EYA2: variants seen among roughly 807,000 people sequenced by gnomAD.
The protein encoded by EYA2 is EYA transcriptional coactivator and phosphatase 2.
A neutral mutation model predicts 69.2 loss-of-function variants in EYA2; 31 were observed. That is an observed-to-expected ratio of 0.45 (90% CI 0.34 to 0.60). EYA2 has a LOEUF of 0.60. EYA2 is among the 20% of genes least tolerant of loss of function. The pLI, the probability that EYA2 is intolerant of heterozygous loss-of-function variation, is 0.02. For synonymous variants in EYA2, 257 were observed against 279.4 expected, an observed-to-expected ratio of 0.92 and a Z score of 0.80; for missense variants, 622 against 701.2, an observed-to-expected ratio of 0.89 and a Z score of 1.28.
intron 1 of EYA2, among the ~76,000 whole-genome samples, chr20:46,958,243 T>G (rs1443911401): frequency 6.6e-6 from 1 of 152,192 alleles, no homozygotes; most frequent in East Asian, 1.9e-4. Flanking sequence ...GGGGACAGTT[T>G]TCCAAAGTTG....
At chr20:47,048,664 G>T (rs1447282917) in intron 5 of EYA2, among the ~76,000 whole-genome samples, 1 of 152,220 alleles carries the variant, frequency 6.6e-6, no homozygotes, top group Non-Finnish European at 1.5e-5. Flanking sequence ...TTGAACCTGG[G>T]AGGCAGAGGT....
chr20:47,025,843 G>A (rs555446797), intron 5 of EYA2, among the ~76,000 whole-genome samples: 4 of 152,254 alleles, frequency 2.6e-5, no homozygotes, highest in Non-Finnish European at 4.4e-5. Flanking sequence ...GTCATCTTAC[G>A]GTTGAAGTTT....
chr20:46,915,012 C>G (rs147197903), intron 1 of EYA2, among the ~76,000 whole-genome samples: 1 of 152,300 alleles, frequency 6.6e-6, no homozygotes, highest in African/African-American at 2.4e-5. Flanking sequence ...TTTCTTTTCT[C>G]TACCGGAGAT....
At chr20:47,180,284 G>A (rs2146671352) in intron 13 of EYA2, among the ~76,000 whole-genome samples, 2 of 152,258 alleles carry the variant, frequency 1.3e-5, no homozygotes, top group East Asian at 3.9e-4. Context: ...ACCCGCCTCG[G>A]CCTCCCAAAG....
At position 47,089,342 on chromosome 20, in the gene EYA2, G is replaced by A; in HGVS notation, c.765G>A (p.Arg255=). ...GGAAGCTCCGAGGCCGGTCTAAGAG[G>A]AGCAGTGACCCGTCCCCGGCAGGGG... ...SDGKLRGRSK[R]SSDPSPAGDN... Residue 255 remains arginine (R), a synonymous_variant, in exon 8 of 16, where the codon AGG becomes AGA. Coordinates refer to ENST00000327619, the MANE Select transcript of EYA2 (RefSeq NM_005244.5). The A allele has an allele frequency of 2.5e-6, 4 of 1,614,166 alleles. No homozygotes were observed. Among genetic ancestry groups the A allele is most frequent in the Non-Finnish European group, 2.5e-6 (3 of 1,180,016 alleles).
intron 5 of EYA2, among the ~76,000 whole-genome samples, chr20:47,064,955 C>T (rs367674489): frequency 1.3e-5 from 2 of 152,202 alleles, no homozygotes; most frequent in Admixed American, 6.5e-5. Flanking sequence ...TTAATTGACT[C>T]ACAGTTCCAC....
intron 7 of EYA2, among the ~76,000 whole-genome samples, chr20:47,074,910 G>T (rs1302727433): frequency 6.6e-6 from 1 of 152,144 alleles, no homozygotes; most frequent in South Asian, 2.1e-4. Context: ...TCAGGAGTTC[G>T]AGACCAGCCT....
intron 8 of EYA2, among the ~76,000 whole-genome samples, chr20:47,090,767 C>T (rs1474888179): frequency 6.6e-6 from 1 of 152,178 alleles, no homozygotes; most frequent in Non-Finnish European, 1.5e-5. Context: ...GATCTCTATA[C>T]TTGTCATTTG....
chr20:47,117,391 G>A (rs980232628), intron 9 of EYA2: 10 of 985,406 alleles, frequency 1.0e-5, no homozygotes, highest in Non-Finnish European at 1.2e-5. Flanking sequence ...GAATTCACCT[G>A]GTGTTGGCTT....
chr20:47,127,141 A>G (rs779527596), intron 9 of EYA2, among the ~76,000 whole-genome samples: 14 of 152,082 alleles, frequency 9.2e-5, no homozygotes, highest in African/African-American at 3.1e-4. Context: ...AACTTAGTGA[A>G]TTTGTTAACC....
chr20:46,940,225 C>T (rs1359018170), intron 1 of EYA2, among the ~76,000 whole-genome samples: 1 of 152,216 alleles, frequency 6.6e-6, no homozygotes, highest in Non-Finnish European at 1.5e-5. Flanking sequence ...ATAATAAGAA[C>T]AGCTGAGATG....
chr20:47,132,982 AC>A (rs972972246), intron 9 of EYA2, among the ~76,000 whole-genome samples: 6 of 152,186 alleles, frequency 3.9e-5, no homozygotes, highest in African/African-American at 1.4e-4. Context: ...TGCCGCAAAC[AC>A]CCGTTTTTGC....
chr20:46,922,118 G>A (rs970041501), intron 1 of EYA2, among the ~76,000 whole-genome samples: 1 of 152,218 alleles, frequency 6.6e-6, no homozygotes, highest in Admixed American at 6.5e-5. Flanking sequence ...ACCTGTTCTA[G>A]TGCATTTTCC....
chr20:46,909,376 A>T (rs4810573), intron 1 of EYA2, among the ~76,000 whole-genome samples: 5 of 151,846 alleles, frequency 3.3e-5, no homozygotes, highest in Admixed American at 1.3e-4. Context: ...CAGTAAGGAA[A>T]GCTCCAGGAG....
chr20:47,121,137 C>T (rs1450376976), intron 9 of EYA2, among the ~76,000 whole-genome samples: 1 of 152,090 alleles, frequency 6.6e-6, no homozygotes, highest in East Asian at 1.9e-4. Context: ...CTCTGTTGCC[C>T]AGGTTGGAGT....
chr20:46,980,042 C>T (rs1174494607), intron 1 of EYA2, among the ~76,000 whole-genome samples: 2 of 152,134 alleles, frequency 1.3e-5, no homozygotes, highest in African/African-American at 4.8e-5. Context: ...GACTGGGTAG[C>T]TTAGTAGACT....
chr20:46,996,157 G>A (rs1004670805), intron 2 of EYA2, among the ~76,000 whole-genome samples: 5 of 152,144 alleles, frequency 3.3e-5, no homozygotes, highest in Non-Finnish European at 5.9e-5. Context: ...GTGTATCCTC[G>A]GGTAAGTTGC....
intron 10 of EYA2, among the ~76,000 whole-genome samples, chr20:47,163,962 G>C (rs6094617): frequency 1.3e-5 from 2 of 152,070 alleles, no homozygotes; most frequent in Admixed American, 1.3e-4. Flanking sequence ...CCTGTGTCAA[G>C]GCCACGGGAA....
intron 1 of EYA2, chr20:46,979,508 C>G (rs1284463703): frequency 3.9e-5 from 6 of 152,162 alleles, no homozygotes; most frequent in African/African-American, 9.7e-5. Flanking sequence ...CTTTTCCTTC[C>G]TTTCCCTTCC....
Sources: allele counts gnomAD v4.1 joint callset (sites outside exome capture counted in the v4.1 genomes callset), GRCh38; gene constraint gnomAD v4.1.1; transcripts MANE v1.5; gene names NCBI Gene and HGNC (gene_info 2026-07-23, HGNC 2026-07-21).